LAMC3: variants seen among roughly 807,000 people sequenced by gnomAD.
The protein encoded by LAMC3 is laminin subunit gamma-3.
In LAMC3, 128 loss-of-function variants were observed where a neutral mutation model predicts 173.8. The observed-to-expected ratio is 0.74, with a 90% CI of 0.64 to 0.85. The LOEUF (loss-of-function observed/expected upper bound fraction) is 0.85, where lower values mean the gene tolerates loss of function less well. Among genes scored for constraint, LAMC3 ranks in the 40% least tolerant of loss-of-function variants. The pLI is 0.00. For missense variants in LAMC3, 2,022 were observed against 2,156.0 expected, an observed-to-expected ratio of 0.94 and a Z score of 1.23; for synonymous variants, 897 against 909.1, an observed-to-expected ratio of 0.99 and a Z score of 0.24.
chr9:131,090,864 T>G (rs572186340), intron 27 of LAMC3, among the ~76,000 whole-genome samples: 1 of 45,408 alleles, frequency 2.2e-5, no homozygotes, highest in African/African-American at 1.7e-4. Context: ...CTGTCTCTAC[T>G]AAAAATACAA....
At position 131,091,646 on chromosome 9, in the gene LAMC3, C is replaced by A; in HGVS notation, c.4587C>A (p.Leu1529=). The change falls in exon 28 of 28, where the codon CTC becomes CTA. Residue 1529 remains leucine (L), a synonymous_variant. Coordinates refer to ENST00000361069, the MANE Select transcript of LAMC3 (RefSeq NM_006059.4). ...LGSPGSLQRK[L]SLLEQESQQQ... ...CCCCGGGGTCCTTGCAGAGGAAACT[C>A]AGTCTGCTGGAGCAGGAATCCCAGC... 6.2e-7 allele frequency: 1 copy of A among 1,605,136 alleles called. No individual in the cohort carries two copies. Among genetic ancestry groups the A allele is most frequent in the South Asian group, 1.1e-5 (1 of 89,604 alleles).
chr9:131,034,981 G>C (rs1436660662), intron 3 of LAMC3, among the ~76,000 whole-genome samples: 3 of 150,870 alleles, frequency 2.0e-5, no homozygotes, highest in Non-Finnish European at 2.9e-5. Context: ...ACAGAGTTTT[G>C]CTCTCGTTGC....
At chr9:131,085,397 T>C in intron 24 of LAMC3, 127 bp from the exon 25 acceptor site, 1 of 887,360 alleles carries the variant, frequency 1.1e-6, no homozygotes. Context: ...GCACGTTGCA[T>C]GCACTTCAGA....
At position 131,092,640 on chromosome 9, in the gene LAMC3, A is replaced by G. The variant is rs573333303; in HGVS notation, c.*853A>G. The G allele has an allele frequency of 6.6e-6, 1 of 152,264 alleles. No individual in the cohort carries two copies. Among genetic ancestry groups the G allele is most frequent in the African/African-American group, 2.4e-5 (1 of 41,452 alleles). 9.4% of individuals were successfully genotyped at this position (152,264 alleles called of 1,614,324 possible). On this transcript the variant is annotated 3_prime_UTR_variant, in exon 28 of 28. Transcript: ENST00000361069. ...ACTTCAGCCTGTGATCTATCCAAAG[A>G]GCCAGGCCCAAAAGCGCCTAGGTCA... is the stretch of plus-strand genomic sequence containing the variant.
chr9:131,045,426 G>T, intron 7 of LAMC3, 98 bp from the exon 8 acceptor site: 1 of 1,391,478 alleles, frequency 7.2e-7, no homozygotes, highest in East Asian at 2.3e-5. Context: ...TTTCTGCAGT[G>T]ATTCTAGACT....
chr9:131,048,193 A>C (rs1834211769), intron 8 of LAMC3, among the ~76,000 whole-genome samples: 1 of 151,130 alleles, frequency 6.6e-6, no homozygotes, highest in Non-Finnish European at 1.5e-5. Context: ...AGTAGCTCAG[A>C]TTATAGGCAG....
At position 131,009,692 on chromosome 9, in the gene LAMC3, C is replaced by A; in HGVS notation, c.373+105C>A. The A allele has an allele frequency of 7.3e-7, 1 of 1,373,926 alleles. No individual in the cohort carries two copies. Among genetic ancestry groups the A allele is most frequent in the East Asian group, 2.6e-5 (1 of 39,074 alleles). 85.1% of individuals were successfully genotyped at this position (1,373,926 alleles called of 1,614,324 possible). On this transcript the variant is annotated intron_variant, in intron 1 of 27. Transcript: ENST00000361069. This position sits in a 1 kb window ranked among gnomAD's most constrained non-coding sequence, Gnocchi z 4.3. ...TGTGCGCCCAGGTTGGGCTGCAGGA[C>A]CCAGATATGGTGTTGGATGGAGGGG... is the stretch of plus-strand genomic sequence containing the variant.
intron 27 of LAMC3, among the ~76,000 whole-genome samples, chr9:131,089,778 G>A (rs142849965): frequency 6.6e-4 from 100 of 151,344 alleles, no homozygotes; most frequent in East Asian, 3.9e-4. Context: ...ATTTTCATTC[G>A]TAGTAAGAGG....
At position 131,079,275 on chromosome 9, in the gene LAMC3, C is replaced by T. The variant is rs752806341; in HGVS notation, c.3904C>T (p.Arg1302Trp). The change falls in exon 23 of 28, where the codon CGG (arginine) becomes TGG (tryptophan). Residue 1302 changes from arginine to tryptophan, a missense_variant. Physicochemically the swap from Arg to Trp is moderately radical, Grantham distance 101 (BLOSUM62 -3). Coordinates refer to ENST00000361069, the MANE Select transcript of LAMC3 (RefSeq NM_006059.4). ...CCAGACTGCTGCCCAGGCGACGCTA[C>T]GGCAAACAGAACCCCTCACAAAGGT... ...TLQTAAQATL[R>W]QTEPLTKLHQ... 6.2e-6 allele frequency: 10 copies of T among 1,614,072 alleles called. No individual in the cohort carries two copies. The highest frequency in any genetic ancestry group is 2.2e-5 in the East Asian group (1 of 44,890).
intron 7 of LAMC3, among the ~76,000 whole-genome samples, chr9:131,045,175 T>C (rs1352606547): frequency 6.7e-6 from 1 of 148,238 alleles, no homozygotes; most frequent in Non-Finnish European, 1.5e-5. Context: ...TGAGCCAAGA[T>C]TGCACCATTG....
intron 25 of LAMC3, among the ~76,000 whole-genome samples, chr9:131,086,761 G>A (rs897832732): frequency 9.9e-5 from 15 of 151,708 alleles, no homozygotes; most frequent in Admixed American, 2.6e-4. Flanking sequence ...ATGGTGGCTC[G>A]CACCTGTAGT....
In LAMC3 at chr9:131,026,299, A is replaced by G. The variant is rs547613990; in HGVS notation, c.388A>G (p.Ile130Val). ...CCTGGCTGCAGGGAAGGCTTATGAG[A>G]TCACGTATGTGAGGCTGAAGTTCCA... ...ITLRLGKAYE[I>V]TYVRLKFHTS... Residue 130 changes from isoleucine (I) to valine (V), a missense_variant, in exon 2 of 28, where the codon ATC becomes GTC. Coordinates refer to ENST00000361069, the MANE Select transcript of LAMC3 (RefSeq NM_006059.4). This position sits in a 1 kb window ranked among gnomAD's most constrained non-coding sequence, Gnocchi z 4.8. 6.2e-7 allele frequency: 1 copy of G among 1,614,038 alleles called. No homozygotes were observed. Among genetic ancestry groups the G allele is most frequent in the Non-Finnish European group, 8.5e-7 (1 of 1,179,972 alleles).
At position 131,036,300 on chromosome 9, in the gene LAMC3, G is replaced by A. The variant is rs45444592; in HGVS notation, c.944G>A (p.Arg315Gln). 2.2e-4 allele frequency: 348 copies of A among 1,613,168 alleles called. No individual in the cohort carries two copies. Among genetic ancestry groups the A allele is most frequent in the Non-Finnish European group, 2.7e-4 (318 of 1,179,870 alleles). ...TTCTTCCAGGACCGCCCGTGGGCCCGGGGCACCGCCGAGGCTGCCCACGAG... is the reference window on the plus strand; with the variant it reads ...TTCTTCCAGGACCGCCCGTGGGCCCAGGGCACCGCCGAGGCTGCCCACGAG... ...LPFFQDRPWA[R>Q]GTAEAAHECL... is the part of the protein sequence containing the mutation. The change falls in exon 4 of 28, where the codon CGG (arginine) becomes CAG (glutamine). Residue 315 changes from arginine (R) to glutamine (Q), a missense_variant. Physicochemically the swap from Arg to Gln is conservative, Grantham distance 43. Transcript: ENST00000361069.
At chr9:131,071,932 C>T (rs1374180149) in intron 18 of LAMC3, among the ~76,000 whole-genome samples, 2 of 152,122 alleles carry the variant, frequency 1.3e-5, no homozygotes, top group Non-Finnish European at 2.9e-5. Context: ...GATTCTTGGC[C>T]GTTTTGCTCT....
At chr9:131,028,463 G>A (rs1293545193) in intron 2 of LAMC3, among the ~76,000 whole-genome samples, 2 of 152,178 alleles carry the variant, frequency 1.3e-5, no homozygotes, top group Non-Finnish European at 2.9e-5. Context: ...CCTGTTTCCA[G>A]AGGGGACACT....
At position 131,086,697 on chromosome 9, in the gene LAMC3, G is replaced by C. The variant is rs1452182200; in HGVS notation, c.4231-779G>C. The stretch of plus-strand genomic sequence containing the variant: ...GAGGTCAGGAGTTCGAGACCAGTCT[G>C]GTCAACATGGTGAAACCCTGTCTCT... On this transcript the variant is annotated intron_variant, in intron 25 of 27. Transcript: ENST00000361069. Among the ~76,000 whole-genome samples, 4 of 150,398 alleles carry C rather than the reference G, an allele frequency of 2.7e-5. No homozygotes were observed. In the Admixed American group the frequency reaches 2.7e-4, roughly 10 times the overall value.
At position 131,091,255 on chromosome 9, in the gene LAMC3, C is replaced by T. The variant is rs117527501; in HGVS notation, c.4478-282C>T. ...TAAACTAAGACTCAGAGAGGACTCA[C>T]CTGAGGCCTTCTTTTTTAACAATAA... On this transcript the variant is annotated intron_variant, in intron 27 of 27. Coordinates refer to ENST00000361069, the MANE Select transcript of LAMC3 (RefSeq NM_006059.4). Among the ~76,000 whole-genome samples, 275 of 152,352 alleles carry T rather than the reference C, an allele frequency of 1.8e-3. 3 individuals carry two copies. The highest frequency in any genetic ancestry group is 0.015 in the East Asian group (76 of 5,192).
At chr9:131,032,537 T>TCTCTCTCTTGCTCTCTCTCG (rs1203864536) in intron 3 of LAMC3, among the ~76,000 whole-genome samples, 2 of 141,736 alleles carry the variant, frequency 1.4e-5, no homozygotes, top group Non-Finnish European at 3.0e-5. Flanking sequence ...TCTCGCTGTC[T>TCTCTCTCTTGCTCTCTCTCG]CTCTCTCTTG....
Position 131,072,854 on chromosome 9 carries a change from C to T in LAMC3, c.3417+19C>T. On this transcript the variant is annotated intron_variant, in intron 19 of 27. Transcript: ENST00000361069. ...GTCTCTGGTATCCCAGGGGACCCCC[C>T]TACCCGAACACACCAAACCTGGGCA... is the stretch of plus-strand genomic sequence containing the variant. 6.2e-7 allele frequency: 1 copy of T among 1,601,054 alleles called. No homozygotes were observed. The highest frequency in any genetic ancestry group is 8.5e-7 in the Non-Finnish European group (1 of 1,173,374).
Sources: gnomAD v4.1 joint callset for allele counts (sites outside exome capture counted in the v4.1 genomes callset) on GRCh38, gnomAD v4.1.1 for gene constraint, Gnocchi (gnomAD v3.1) non-coding constraint, MANE v1.5 for transcripts, NCBI Gene and HGNC (gene_info 2026-07-23, HGNC 2026-07-21) for gene names.